Variants in CAPS2 observed in about 807,000 individuals in gnomAD.
The protein encoded by CAPS2 is calcyphosine 2, also known as calcyphosin-2.
In CAPS2, 98 loss-of-function variants were observed where a neutral mutation model predicts 86.5. That is an observed-to-expected ratio of 1.13 (90% CI 0.96 to 1.34). The LOEUF (loss-of-function observed/expected upper bound fraction) is 1.34, where lower values mean the gene tolerates loss of function less well. Ranked by LOEUF, CAPS2 falls within the 40% of genes most tolerant of loss-of-function variation. CAPS2 has a pLI of 0.00. For synonymous variants in CAPS2, 210 were observed against 225.1 expected (o/e 0.93, Z 0.60); for missense variants, 729 against 686.8 (o/e 1.06, Z -0.69).
At chr12:75,388,980 T>C (rs931301714) in intron 1 of CAPS2, among the ~76,000 whole-genome samples, 5 of 152,100 alleles carry the variant, frequency 3.3e-5, no homozygotes, top group African/African-American at 1.2e-4. Context: ...AGAAAAGGAA[T>C]TGGTAAAAAA....
chr12:75,308,694 A>C (rs2038792930), intron 7 of CAPS2, among the ~76,000 whole-genome samples: 2 of 152,130 alleles, frequency 1.3e-5, no homozygotes, highest in Non-Finnish European at 2.9e-5. Context: ...AAATAGCAAA[A>C]GGAATTAAAA....
At chr12:75,372,970 G>A (rs574595113) in intron 1 of CAPS2, among the ~76,000 whole-genome samples, 2 of 152,202 alleles carry the variant, frequency 1.3e-5, no homozygotes, top group African/African-American at 4.8e-5. Context: ...CCCAGATCCA[G>A]AGTACATGTC....
At chr12:75,282,378 T>G (rs770694291) in intron 15 of CAPS2, 31 bp from the exon 16 acceptor site, 5 of 1,400,878 alleles carry the variant, frequency 3.6e-6, no homozygotes, top group Non-Finnish European at 5.1e-6. Flanking sequence ...ATTATTAGTT[T>G]GTTGGTTGGT....
At chr12:75,351,693 C>T (rs990311540) in intron 1 of CAPS2, among the ~76,000 whole-genome samples, 9 of 151,958 alleles carry the variant, frequency 5.9e-5, no homozygotes, top group African/African-American at 2.2e-4. Flanking sequence ...ATTAGAGGCG[C>T]TCCCCACCAC....
chr12:75,323,459 C>A (rs1273398855), intron 2 of CAPS2, among the ~76,000 whole-genome samples: 1 of 151,892 alleles, frequency 6.6e-6, no homozygotes, highest in African/African-American at 2.4e-5. Flanking sequence ...TAAATAAATA[C>A]TTGGCCGGGC....
At chr12:75,286,928 C>A (rs1414979205) in intron 14 of CAPS2, among the ~76,000 whole-genome samples, 1 of 151,594 alleles carries the variant, frequency 6.6e-6, no homozygotes, top group South Asian at 2.1e-4. Context: ...TAGATCTAAT[C>A]ATAACAATTT....
intron 6 of CAPS2, among the ~76,000 whole-genome samples, chr12:75,315,842 T>C (rs980149487): frequency 6.6e-6 from 1 of 152,204 alleles, no homozygotes; most frequent in African/African-American, 2.4e-5. Flanking sequence ...GTCTAAACCA[T>C]ACTTGCCAAC....
chr12:75,325,808 G>C (rs184252790), intron 1 of CAPS2, among the ~76,000 whole-genome samples: 3 of 151,530 alleles, frequency 2.0e-5, no homozygotes, highest in African/African-American at 4.9e-5. Context: ...CAGAGTGTGA[G>C]GGGGGGTAGG....
exon 1 of CAPS2, chr12:75,326,426 G>A: frequency 1.4e-6 from 2 of 1,429,814 alleles, no homozygotes; most frequent in Non-Finnish European, 1.9e-6. Context: ...ACTTGTAGAG[G>A]CTTCTTTCTT....
upstream of CAPS2, among the ~76,000 whole-genome samples, chr12:75,332,007 A>C (rs1218682408): frequency 1.3e-5 from 2 of 152,174 alleles, no homozygotes; most frequent in African/African-American, 4.8e-5. Context: ...TTTACACCTA[A>C]ATTGTTTTAG....
chr12:75,350,662 A>T (rs1264392027), intron 1 of CAPS2, among the ~76,000 whole-genome samples: 1 of 152,164 alleles, frequency 6.6e-6, no homozygotes, highest in African/African-American at 2.4e-5. Context: ...CAGCATCAAT[A>T]AAAAAAGACC....
intron 1 of CAPS2, among the ~76,000 whole-genome samples, chr12:75,338,979 A>G (rs1392310748): frequency 6.6e-6 from 1 of 152,308 alleles, no homozygotes; most frequent in East Asian, 1.9e-4. Flanking sequence ...TCTGTAGCAC[A>G]TATTTTCTTT....
chr12:75,375,810 C>G (rs1489778754), intron 1 of CAPS2, among the ~76,000 whole-genome samples: 1 of 152,168 alleles, frequency 6.6e-6, no homozygotes, highest in Non-Finnish European at 1.5e-5. Context: ...ATTATGCCCA[C>G]CTTGTCTTTG....
intron 1 of CAPS2, among the ~76,000 whole-genome samples, chr12:75,337,829 C>T (rs1023628438): frequency 2.6e-5 from 4 of 151,712 alleles, no homozygotes; most frequent in African/African-American, 9.7e-5. Flanking sequence ...TATTATTTTT[C>T]GACTATTGTC....
intron 1 of CAPS2, among the ~76,000 whole-genome samples, chr12:75,351,243 C>G (rs1157911687): frequency 6.6e-6 from 1 of 152,180 alleles, no homozygotes; most frequent in Admixed American, 6.5e-5. Flanking sequence ...GGAGAAAGAA[C>G]TGAGTTGGAA....
At chr12:75,340,291 C>T (rs184079180) in intron 1 of CAPS2, among the ~76,000 whole-genome samples, 439 of 151,726 alleles carry the variant, frequency 2.9e-3, no homozygotes, top group African/African-American at 3.8e-3. Context: ...TTTCAAAAAA[C>T]GACGTATTTT....
intron 13 of CAPS2, among the ~76,000 whole-genome samples, chr12:75,291,070 T>C (rs1297858874): frequency 6.6e-6 from 1 of 152,076 alleles, no homozygotes; most frequent in African/African-American, 2.4e-5. Context: ...ATTTGGAAAA[T>C]GTTTAAGTAT....
At chr12:75,383,552 T>C (rs771525301) in intron 1 of CAPS2, among the ~76,000 whole-genome samples, 1 of 152,088 alleles carries the variant, frequency 6.6e-6, no homozygotes, top group Non-Finnish European at 1.5e-5. Context: ...ACTGATAGAA[T>C]GACAAGAAGA....
chr12:75,277,307 A>G, exon 17 of CAPS2: 1 of 971,696 alleles, frequency 1.0e-6, no homozygotes, highest in Non-Finnish European at 1.2e-6. Flanking sequence ...TTTCTTAAGA[A>G]CTAAATAAAA....
Sources: allele counts gnomAD v4.1 joint callset (sites outside exome capture counted in the v4.1 genomes callset), GRCh38; gene constraint gnomAD v4.1.1; transcripts MANE v1.5; gene names NCBI Gene and HGNC (gene_info 2026-07-23, HGNC 2026-07-21).